Variants in FGF1 observed in about 807,000 individuals in gnomAD.
FGF1 encodes the protein fibroblast growth factor 1, also known as beta-endothelial cell growth factor.
Under a neutral mutation model 13.4 loss-of-function variants are expected in FGF1, and 9 were observed. That is an observed-to-expected ratio of 0.67 (90% CI 0.40 to 1.17). The LOEUF is 1.17. FGF1 is among the 50% of genes most tolerant of loss of function. FGF1 has a pLI of 0.01. For synonymous variants in FGF1, 93 were observed against 79.0 expected (o/e 1.18, Z -0.94); for missense variants, 156 against 192.7 (o/e 0.81, Z 1.13).
chr5:142,605,590 C>A (rs1003782214), intron 2 of FGF1, among the ~76,000 whole-genome samples: 1 of 152,190 alleles, frequency 6.6e-6, no homozygotes, highest in Admixed American at 6.5e-5. Context: ...GAGCCAGAGG[C>A]CTGCTTAGCA....
chr5:142,606,218 C>CTCTGTGTGTGTGTG (rs151219206), intron 2 of FGF1, among the ~76,000 whole-genome samples: 4,150 of 143,068 alleles, frequency 0.029, 103 homozygotes, highest in Middle Eastern at 0.056. Flanking sequence ...CTTTCTCTCT[C>CTCTGTGTGTGTGTG]TGTGTGTGTG....
intron 2 of FGF1, 62 bp from the exon 3 acceptor site, chr5:142,600,867 G>T: frequency 8.0e-7 from 1 of 1,250,224 alleles, no homozygotes; most frequent in Non-Finnish European, 1.2e-6. Flanking sequence ...ATAGGACCCG[G>T]CAGCCAGGAC....
intron 1 of FGF1, among the ~76,000 whole-genome samples, chr5:142,680,414 T>C (rs981994644): frequency 6.6e-6 from 1 of 152,186 alleles, no homozygotes; most frequent in Admixed American, 6.5e-5. Context: ...GAAAGGAGCG[T>C]GGTACTGACA....
chr5:142,637,695 C>A (rs936568674), intron 1 of FGF1, among the ~76,000 whole-genome samples: 1 of 152,068 alleles, frequency 6.6e-6, no homozygotes, highest in Non-Finnish European at 1.5e-5. Context: ...GCCTGGGCAT[C>A]CAGGACTGTC....
intron 2 of FGF1, among the ~76,000 whole-genome samples, chr5:142,695,581 C>CAAAAAAA (rs1202362613): frequency 1.2e-4 from 14 of 117,198 alleles, no homozygotes; most frequent in South Asian, 3.1e-4. Context: ...GACTCTGTAT[C>CAAAAAAA]AAAAAGAAAA....
chr5:142,635,943 C>G (rs1351995073), intron 1 of FGF1, among the ~76,000 whole-genome samples: 1 of 152,146 alleles, frequency 6.6e-6, no homozygotes, highest in Non-Finnish European at 1.5e-5. Context: ...AAGCGGTGGC[C>G]CTGGGGACAC....
Position 142,594,249 on chromosome 5 carries a change from G to C in FGF1, c.*1041C>G, listed in dbSNP as rs1390797180. The C allele has an allele frequency of 6.6e-6, 1 of 152,156 alleles. No individual in the cohort carries two copies. Among genetic ancestry groups the C allele is most frequent in the Non-Finnish European group, 1.5e-5 (1 of 68,082 alleles). 9.4% of individuals were successfully genotyped at this position (152,156 alleles called of 1,614,324 possible). A position where few individuals can be genotyped will look rare whatever the true frequency, so the allele number is the denominator to read the frequency against. ...GCAGTATTGTCAGCACCTGCACCTGGGGGGGACCTGATGGAACTGCAGAAA... is the reference window on the plus strand; with the variant it reads ...GCAGTATTGTCAGCACCTGCACCTGCGGGGGACCTGATGGAACTGCAGAAA... On this transcript the variant is annotated 3_prime_UTR_variant, in exon 4 of 4. Transcript: ENST00000337706.
chr5:142,625,962 G>A (rs1762382247), intron 1 of FGF1, among the ~76,000 whole-genome samples: 1 of 152,060 alleles, frequency 6.6e-6, no homozygotes, highest in East Asian at 1.9e-4. Flanking sequence ...GTATGTGTTT[G>A]TTATCTCTTT....
At chr5:142,622,001 A>G (rs965690864) in intron 1 of FGF1, among the ~76,000 whole-genome samples, 5 of 152,170 alleles carry the variant, frequency 3.3e-5, no homozygotes, top group African/African-American at 7.2e-5. Flanking sequence ...ACATTTCTTC[A>G]TGGCTCTTAC....
At chr5:142,639,584 G>A (rs1764822359) in intron 1 of FGF1, among the ~76,000 whole-genome samples, 1 of 151,976 alleles carries the variant, frequency 6.6e-6, no homozygotes, top group Admixed American at 6.5e-5. Context: ...GACTGGAAAT[G>A]AGATGTTGGT....
At chr5:142,669,407 C>T (rs2152023752) in intron 1 of FGF1, among the ~76,000 whole-genome samples, 1 of 152,332 alleles carries the variant, frequency 6.6e-6, no homozygotes, top group East Asian at 1.9e-4. Flanking sequence ...GTCCCCAGCA[C>T]AGCCCCTGGG....
intron 1 of FGF1, among the ~76,000 whole-genome samples, chr5:142,656,722 A>G (rs2151988067): frequency 6.6e-6 from 1 of 152,360 alleles, no homozygotes; most frequent in East Asian, 1.9e-4. Flanking sequence ...ACACACATGT[A>G]CACATATGAG....
At chr5:142,603,158 C>G (rs954421049) in intron 2 of FGF1, among the ~76,000 whole-genome samples, 1 of 152,192 alleles carries the variant, frequency 6.6e-6, no homozygotes, top group Non-Finnish European at 1.5e-5. Flanking sequence ...CTCTCTCGAG[C>G]CTTCAGTCAC....
At chr5:142,622,344 T>C (rs1333042388) in intron 1 of FGF1, among the ~76,000 whole-genome samples, 1 of 152,192 alleles carries the variant, frequency 6.6e-6, no homozygotes, top group Admixed American at 6.5e-5. Flanking sequence ...GGGCCAGTCC[T>C]TTCTCAGGAG....
intron 2 of FGF1, among the ~76,000 whole-genome samples, chr5:142,696,514 G>GGC (rs1561783204): frequency 1.3e-5 from 2 of 152,190 alleles, no homozygotes; most frequent in African/African-American, 4.8e-5. Flanking sequence ...ACTAGAAAGG[G>GGC]AAGCACCTGT....
chr5:142,691,403 T>C (rs1752193508), intron 2 of FGF1, among the ~76,000 whole-genome samples: 1 of 150,490 alleles, frequency 6.6e-6, no homozygotes, highest in African/African-American at 2.5e-5. Flanking sequence ...GCCTGGGTGA[T>C]AGAGTGAGAC....
At chr5:142,614,645 G>T (rs190862613) in intron 1 of FGF1, among the ~76,000 whole-genome samples, 26 of 152,154 alleles carry the variant, frequency 1.7e-4, no homozygotes, top group Non-Finnish European at 3.1e-4. Flanking sequence ...TGGCCTGGAC[G>T]TTCGGGACCT....
Position 142,593,860 on chromosome 5 carries a change from T to C in FGF1, c.*1430A>G, listed in dbSNP as rs1239883382. On this transcript the variant is annotated 3_prime_UTR_variant, in exon 4 of 4. Coordinates refer to ENST00000337706, the MANE Select transcript of FGF1 (RefSeq NM_000800.5). ...ATCAGTATCATATGTTAGAGATGAA[T>C]GGTGTTTCTAATTTGCTAGCCACCT... 1 of 152,666 alleles carries C rather than the reference T, an allele frequency of 6.6e-6. No homozygotes were observed. The highest frequency in any genetic ancestry group is 1.5e-5 in the Non-Finnish European group (1 of 68,040). The allele number at this position is 152,666 out of a possible 1,614,324, so 9.5% of individuals were successfully genotyped here. A position where few individuals can be genotyped will look rare whatever the true frequency, so the allele number is the denominator to read the frequency against.
At chr5:142,693,026 A>G (rs1005851679) in intron 2 of FGF1, among the ~76,000 whole-genome samples, 4 of 152,222 alleles carry the variant, frequency 2.6e-5, no homozygotes, top group African/African-American at 9.7e-5. Context: ...TAAAGTAGTG[A>G]GACTGATTCT....
Sources: gnomAD v4.1 joint callset for allele counts (sites outside exome capture counted in the v4.1 genomes callset) on GRCh38, gnomAD v4.1.1 for gene constraint, MANE v1.5 for transcripts, NCBI Gene and HGNC (gene_info 2026-07-23, HGNC 2026-07-21) for gene names.